Variants in CXADR observed in about 807,000 individuals in gnomAD.
CXADR encodes coxsackievirus and adenovirus receptor.
In CXADR, 20 loss-of-function variants were observed where a neutral mutation model predicts 40.3. The observed-to-expected ratio is 0.50, with a 90% CI of 0.35 to 0.72. CXADR has a LOEUF of 0.72. Among genes scored for constraint, CXADR ranks in the 30% least tolerant of loss-of-function variants. CXADR has a pLI of 0.01. For synonymous variants in CXADR, 150 were observed against 161.3 expected (o/e 0.93, Z 0.53); for missense variants, 332 against 449.1 (o/e 0.74, Z 2.36).
the CXADR span, among the ~76,000 whole-genome samples, chr21:17,636,151 GAAC>G: frequency 6.6e-6 from 1 of 152,152 alleles, no homozygotes; most frequent in Non-Finnish European, 1.5e-5. Context: ...CCCTGCCACT[GAAC>G]TAAACTCACT....
chr21:17,572,410 A>G (rs1338900093), downstream of CXADR, among the ~76,000 whole-genome samples: 3 of 151,920 alleles, frequency 2.0e-5, no homozygotes, highest in African/African-American at 7.3e-5. Context: ...AAAAAGGATG[A>G]GTATGTGCAG....
chr21:17,560,128 A>G (rs531877831), intron 4 of CXADR, among the ~76,000 whole-genome samples: 12 of 152,154 alleles, frequency 7.9e-5, no homozygotes, highest in Middle Eastern at 3.2e-3. Flanking sequence ...GTGTGACACT[A>G]ACTAGAAAGT....
chr21:17,606,125 T>G, the CXADR span, among the ~76,000 whole-genome samples: 3 of 152,188 alleles, frequency 2.0e-5, no homozygotes, highest in African/African-American at 2.4e-5. Context: ...TTTAAAAAAT[T>G]TATTATGCAA....
intron 1 of CXADR, chr21:17,530,284 C>T (rs1179047054): frequency 2.6e-5 from 9 of 343,862 alleles, no homozygotes; most frequent in Non-Finnish European, 5.1e-5. Flanking sequence ...CTTTTTTCCA[C>T]TCTTTTCTGA....
chr21:17,604,891 G>C, the CXADR span: 1 of 1,614,180 alleles, frequency 6.2e-7, no homozygotes, highest in Non-Finnish European at 8.5e-7. Context: ...TCCACCCAGA[G>C]AGTGAGCTCC....
At chr21:17,529,567 C>T (rs932205266) in intron 1 of CXADR, among the ~76,000 whole-genome samples, 2 of 152,160 alleles carry the variant, frequency 1.3e-5, no homozygotes, top group East Asian at 3.8e-4. Flanking sequence ...GTGATCCACC[C>T]ACCTTGGTCT....
At chr21:17,594,755 A>G (rs945362094), downstream of CXADR, among the ~76,000 whole-genome samples, 3 of 151,936 alleles carry the variant, frequency 2.0e-5, no homozygotes, top group Non-Finnish European at 2.9e-5. Context: ...CAGAAAATCA[A>G]CTACCGCATG....
intron 7 of CXADR, among the ~76,000 whole-genome samples, chr21:17,591,907 T>C (rs572105528): frequency 2.2e-4 from 33 of 152,112 alleles, no homozygotes; most frequent in Admixed American, 5.9e-4. Flanking sequence ...ACCCAGTTGC[T>C]GAGTGACAGT....
chr21:17,543,238 CTT>C (rs1322919907), intron 1 of CXADR, among the ~76,000 whole-genome samples: 8 of 152,122 alleles, frequency 5.3e-5, no homozygotes, highest in Non-Finnish European at 1.2e-4. Context: ...TGACATATAT[CTT>C]TTCAGATTAT....
the CXADR span, among the ~76,000 whole-genome samples, chr21:17,610,311 T>C: frequency 0.49 from 74,924 of 152,018 alleles, 20,022 homozygotes; most frequent in African/African-American, 0.71. Context: ...TTTAAATGGG[T>C]GAATTGCATG....
intron 3 of CXADR, among the ~76,000 whole-genome samples, chr21:17,554,498 AG>A (rs2061009646): frequency 6.6e-6 from 1 of 152,062 alleles, no homozygotes; most frequent in South Asian, 2.1e-4. Context: ...GGAGGGGGAG[AG>A]GGGATAAACT....
the CXADR span, among the ~76,000 whole-genome samples, chr21:17,621,614 C>T: frequency 6.6e-6 from 1 of 152,160 alleles, no homozygotes; most frequent in Admixed American, 6.5e-5. Context: ...GCTCCTCTCT[C>T]ATGAACAGGA....
Position 17,587,811 on chromosome 21 carries a change from C to G in CXADR, c.1018-5341C>G, listed in dbSNP as rs1379717926. On this transcript the variant is annotated intron_variant, in intron 7 of 7. Coordinates refer to the CXADR transcript ENST00000400169. ...GTGTTTTAGACATGAAGTCCTTGCC[C>G]ATGCCTATGTCCTGAATGGTATTGC... Among the ~76,000 whole-genome samples, 7 of 152,280 alleles carry G rather than the reference C, an allele frequency of 4.6e-5. No homozygotes were observed. The South Asian group carries it at 1.2e-3, about 27-fold the overall frequency.
intron 1 of CXADR, chr21:17,518,892 A>G (rs211955): frequency 0.18 from 275,088 of 1,569,452 alleles, 26,788 homozygotes; most frequent in Non-Finnish European, 0.2. Flanking sequence ...GCTTTTTGTC[A>G]TCAGCCATGG....
Position 17,569,153 on chromosome 21 carries a change from C to T in CXADR, c.*3461C>T, listed in dbSNP as rs1019080180. On this transcript the variant is annotated 3_prime_UTR_variant, in exon 7 of 7. Transcript: ENST00000284878. ...AAATATTCTCAGTGTCTTTTGTGTG[C>T]GTGCAGCATGTACATTTGATGTTAT... is the stretch of plus-strand genomic sequence containing the variant. The T allele has an allele frequency of 5.1e-6, 5 of 985,284 alleles. No individual in the cohort carries two copies. The highest frequency in any genetic ancestry group is 1.7e-5 in the African/African-American group (1 of 57,324). 61.0% of individuals were successfully genotyped at this position (985,284 alleles called of 1,614,324 possible).
intron 1 of CXADR, among the ~76,000 whole-genome samples, chr21:17,522,303 C>G (rs946370100): frequency 6.7e-6 from 1 of 149,610 alleles, no homozygotes; most frequent in African/African-American, 2.5e-5. Flanking sequence ...CATGCACCAC[C>G]ACGCCTGGGT....
intron 3 of CXADR, among the ~76,000 whole-genome samples, chr21:17,554,950 G>A (rs2061015311): frequency 6.6e-6 from 1 of 152,174 alleles, no homozygotes; most frequent in African/African-American, 2.4e-5. Flanking sequence ...TTAACCCACA[G>A]AGATGATTGA....
At chr21:17,524,314 A>T (rs1283439396) in intron 1 of CXADR, among the ~76,000 whole-genome samples, 1 of 151,626 alleles carries the variant, frequency 6.6e-6, no homozygotes, top group Non-Finnish European at 1.5e-5. Flanking sequence ...TAATTCCAGC[A>T]CTTGTGGGAG....
downstream of CXADR, among the ~76,000 whole-genome samples, chr21:17,595,453 CA>C (rs891411002): frequency 3.3e-5 from 5 of 151,910 alleles, no homozygotes; most frequent in African/African-American, 4.8e-5. Context: ...TGACACCAAA[CA>C]TTTTTTTAAA....
Sources: allele counts gnomAD v4.1 joint callset (sites outside exome capture counted in the v4.1 genomes callset), GRCh38; gene constraint gnomAD v4.1.1; transcripts MANE v1.5; gene names NCBI Gene and HGNC (gene_info 2026-07-23, HGNC 2026-07-21).